The following SRSF1 variants were observed in gnomAD, a reference collection of about 807,000 sequenced individuals.
SRSF1 encodes the protein serine/arginine-rich splicing factor 1.
A neutral mutation model predicts 25.9 loss-of-function variants in SRSF1; 1 was observed. That is an observed-to-expected ratio of 0.04 (90% CI 0.01 to 0.18). The LOEUF (loss-of-function observed/expected upper bound fraction) is 0.18. SRSF1 is among the 10% of genes least tolerant of loss of function. The probability of loss-of-function intolerance (pLI) is 1.00; values close to 1 mark genes in which losing one functional copy is unlikely to be tolerated. For synonymous variants in SRSF1, 132 were observed against 126.2 expected (o/e 1.05, Z -0.31); for missense variants, 65 against 350.5 (o/e 0.19, Z 6.50).
downstream of SRSF1, among the ~76,000 whole-genome samples, chr17:57,996,118 CACAA>C (rs2075363508): frequency 6.6e-6 from 1 of 152,196 alleles, no homozygotes; most frequent in South Asian, 2.1e-4. Context: ...TGTATTTATT[CACAA>C]ACATTTATTA....
the SRSF1 span, chr17:57,991,896 T>G: frequency 6.6e-6 from 1 of 152,250 alleles, no homozygotes; most frequent in Non-Finnish European, 1.5e-5. Context: ...CCTTGACAAC[T>G]GGAACAAAGT....
At chr17:57,993,814 C>T in the SRSF1 span, 1 of 152,236 alleles carries the variant, frequency 6.6e-6, no homozygotes, top group Non-Finnish European at 1.5e-5. Flanking sequence ...GGGCCTGACC[C>T]TGCCCTCTGC....
chr17:58,006,908 T>C (rs769522847), intron 1 of SRSF1, 36 bp downstream of exon 1: 5 of 1,610,332 alleles, frequency 3.1e-6, no homozygotes, highest in Non-Finnish European at 2.5e-6. Context: ...TACTCGGACC[T>C]ATTTCCTCAA....
downstream of SRSF1, among the ~76,000 whole-genome samples, chr17:57,999,975 A>G (rs888887776): frequency 3.9e-5 from 6 of 152,114 alleles, no homozygotes; most frequent in Admixed American, 2.6e-4. Flanking sequence ...TTGCTTACCT[A>G]AACAGTAAAC....
At chr17:58,006,861 C>T in intron 1 of SRSF1, 83 bp downstream of exon 1, 1 of 1,505,684 alleles carries the variant, frequency 6.6e-7, no homozygotes, top group African/African-American at 1.4e-5. Flanking sequence ...CCCCGCTTCC[C>T]CGTTCTCTAT....
In SRSF1 at chr17:58,002,069, C is replaced by A. The variant is rs138721546; in HGVS notation, c.*3337G>T. ...GCTCACATTAACCTTCCAAAATTAT[C>A]ATTAATCATTTATTTTCCCTTTAAT... On this transcript the variant is annotated 3_prime_UTR_variant, in exon 4 of 4. Coordinates refer to ENST00000258962, the MANE Select transcript of SRSF1 (RefSeq NM_006924.5). 7.1e-3 allele frequency among the ~76,000 whole-genome samples: 1,088 copies of A among 152,284 alleles called. 4 individuals carry two copies. The highest frequency in any genetic ancestry group is 0.013 in the Non-Finnish European group (858 of 68,016).
chr17:57,998,170 A>C (rs2075372187), downstream of SRSF1, among the ~76,000 whole-genome samples: 1 of 152,168 alleles, frequency 6.6e-6, no homozygotes, highest in Non-Finnish European at 1.5e-5. Flanking sequence ...AGATTGTGCC[A>C]CTACACTCCA....
chr17:57,998,365 A>G (rs1324520140), downstream of SRSF1, among the ~76,000 whole-genome samples: 1 of 152,138 alleles, frequency 6.6e-6, no homozygotes, highest in African/African-American at 2.4e-5. Flanking sequence ...CTATAATCTT[A>G]TGTATTAAGC....
chr17:57,990,554 C>T, the SRSF1 span: 2 of 152,146 alleles, frequency 1.3e-5, no homozygotes, highest in Non-Finnish European at 2.9e-5. Flanking sequence ...TCCATCCTTA[C>T]CTAGAAGGGG....
chr17:57,992,133 A>G, the SRSF1 span: 1 of 152,276 alleles, frequency 6.6e-6, no homozygotes, highest in Admixed American at 6.5e-5. Context: ...AGCTTCATCC[A>G]TTAAAGCATT....
rs938622232 is a variant in SRSF1, at chr17:58,001,234, T to C, written c.*4172A>G. Among the ~76,000 whole-genome samples, 6 of 152,138 alleles carry C rather than the reference T, an allele frequency of 3.9e-5. No homozygotes were observed. The highest frequency in any genetic ancestry group is 3.9e-4 in the Admixed American group (6 of 15,270). ...AGAAATGTGAAAACACCAGCCCTAATGACCAAGACAATGTTTCAAAGACAA... is the reference window on the plus strand; with the variant it reads ...AGAAATGTGAAAACACCAGCCCTAACGACCAAGACAATGTTTCAAAGACAA... On this transcript the variant is annotated 3_prime_UTR_variant, in exon 4 of 4. Coordinates refer to ENST00000258962, the MANE Select transcript of SRSF1 (RefSeq NM_006924.5).
At chr17:57,993,116 T>G in the SRSF1 span, 4 of 152,050 alleles carry the variant, frequency 2.6e-5, no homozygotes, top group Admixed American at 6.5e-5. Flanking sequence ...AAAGGGCCGA[T>G]CTGGTGGCTC....
At chr17:58,000,901 G>A (rs1275178532), downstream of SRSF1, among the ~76,000 whole-genome samples, 1 of 152,152 alleles carries the variant, frequency 6.6e-6, no homozygotes, top group Non-Finnish European at 1.5e-5. Context: ...CACACTAAGT[G>A]CAAAATGAAG....
At chr17:57,998,142 G>A (rs1020754442), downstream of SRSF1, among the ~76,000 whole-genome samples, 6 of 152,068 alleles carry the variant, frequency 3.9e-5, no homozygotes, top group Non-Finnish European at 5.9e-5. Context: ...CCCGGGAGGC[G>A]GAGGTTGCAG....
rs917849196 is a variant in SRSF1, at chr17:58,004,870, T to C, written c.*536A>G. ...ATCATTTTTAACCCCTGCCTTTTAG[T>C]ATAAGGTCAATACTGCCAATTTCAT... On this transcript the variant is annotated 3_prime_UTR_variant, in exon 4 of 4. Transcript: ENST00000258962. The C allele has an allele frequency of 2.5e-6, 1 of 399,024 alleles. No homozygotes were observed. Among genetic ancestry groups the C allele is most frequent in the Non-Finnish European group, 4.4e-6 (1 of 226,198 alleles). 24.7% of individuals were successfully genotyped at this position (399,024 alleles called of 1,614,324 possible).
the SRSF1 span, chr17:57,993,938 TTTCA>T: frequency 1.3e-5 from 2 of 152,342 alleles, no homozygotes; most frequent in East Asian, 3.9e-4. Context: ...CTTTCTCCCC[TTTCA>T]TTCAGAAATG....
the SRSF1 span, chr17:57,989,505 C>CA: frequency 5.0e-6 from 2 of 397,716 alleles, no homozygotes; most frequent in Non-Finnish European, 8.8e-6. Context: ...TCACCATCTC[C>CA]AACTTCCCCC....
intron 1 of SRSF1, 50 bp from the exon 2 acceptor site, chr17:58,006,577 C>G: frequency 6.5e-7 from 1 of 1,545,138 alleles, no homozygotes; most frequent in Non-Finnish European, 8.8e-7. Context: ...GGAGGAGAAG[C>G]TCGCTCAGTT....
downstream of SRSF1, among the ~76,000 whole-genome samples, chr17:58,000,128 A>G (rs2075380664): frequency 6.6e-6 from 1 of 152,194 alleles, no homozygotes; most frequent in Admixed American, 6.5e-5. Context: ...TATTCTGTGC[A>G]TTAATGAAGC....
Sources: allele counts gnomAD v4.1 joint callset (sites outside exome capture counted in the v4.1 genomes callset), GRCh38; gene constraint gnomAD v4.1.1; transcripts MANE v1.5; gene names NCBI Gene and HGNC (gene_info 2026-07-23, HGNC 2026-07-21).